RPS6KA3: variants seen among roughly 807,000 people sequenced by gnomAD.
RPS6KA3 encodes ribosomal protein S6 kinase A3.
Under a neutral mutation model 67.2 loss-of-function variants are expected in RPS6KA3, and 4 were observed. That is an observed-to-expected ratio of 0.06 (90% CI 0.03 to 0.14). The LOEUF (loss-of-function observed/expected upper bound fraction) is 0.14, where lower values mean the gene tolerates loss of function less well. RPS6KA3 is among the 10% of genes least tolerant of loss of function. The pLI, the probability that RPS6KA3 is intolerant of heterozygous loss-of-function variation, is 1.00. For synonymous variants in RPS6KA3, 182 were observed against 183.7 expected (o/e 0.99, Z 0.07); for missense variants, 204 against 559.0 (o/e 0.36, Z 6.40).
chrX:20,208,656 T>C (rs1474596568), intron 3 of RPS6KA3, among the ~76,000 whole-genome samples: 1 of 111,011 alleles, frequency 9.0e-6, no homozygotes, highest in Non-Finnish European at 1.9e-5. Flanking sequence ...AGGCAGAGGT[T>C]GTAGTGAGCC....
At chrX:20,194,325 T>A in intron 5 of RPS6KA3, 57 bp from the exon 6 acceptor site, 1 of 676,998 alleles carries the variant, frequency 1.5e-6, no homozygotes, top group East Asian at 3.3e-5. Flanking sequence ...TAGGTTTACA[T>A]TAGGTCATTC....
At chrX:20,167,159 A>G (rs2067462526) in intron 17 of RPS6KA3, among the ~76,000 whole-genome samples, 1 of 112,244 alleles carries the variant, frequency 8.9e-6, no homozygotes, top group African/African-American at 3.2e-5. Flanking sequence ...TTTACTAAAA[A>G]TCTGCATACA....
chrX:20,195,329 A>G (rs1315199216), intron 4 of RPS6KA3, among the ~76,000 whole-genome samples, 184 bp from the exon 5 acceptor site: 1 of 112,181 alleles, frequency 8.9e-6, no homozygotes, highest in African/African-American at 3.2e-5. Context: ...AACCAAAGGA[A>G]GTTGCATATA....
chrX:20,156,225 C>T lies in RPS6KA3; in HGVS notation c.1984G>A (p.Val662Ile). The T allele has an allele frequency of 8.3e-7, 1 of 1,210,397 alleles. No individual in the cohort carries two copies. Residue 662 changes from valine to isoleucine, a missense_variant, in exon 21 of 22, where the codon GTA (valine) becomes ATA (isoleucine). Transcript: ENST00000379565. ...GCAGTCAGTCTCTGATGAGGGTCTA[C>T]ATGAAGCATCTTTGACACCAGGTCC... is the stretch of plus-strand genomic sequence containing the variant. ...AKDLVSKMLH[V>I]DPHQRLTAAL...
At chrX:20,207,036 C>T (rs1466215073) in intron 3 of RPS6KA3, among the ~76,000 whole-genome samples, 3 of 111,629 alleles carry the variant, frequency 2.7e-5, no homozygotes, top group East Asian at 2.8e-4. Context: ...AAAGAGAGGA[C>T]GCTGAAAGGT....
At chrX:20,212,078 T>G (rs893752270) in intron 2 of RPS6KA3, among the ~76,000 whole-genome samples, 8 of 111,821 alleles carry the variant, frequency 7.2e-5, no homozygotes, top group African/African-American at 2.6e-4. Context: ...GCATACAGGA[T>G]CAACCCTTAC....
intron 20 of RPS6KA3, among the ~76,000 whole-genome samples, chrX:20,157,822 G>A (rs966272102): frequency 1.8e-5 from 2 of 111,190 alleles, no homozygotes; most frequent in East Asian, 2.8e-4. Context: ...GAGAGAAGAC[G>A]ACACAGTTAA....
chrX:20,184,948 T>C (rs2067941272), intron 10 of RPS6KA3, among the ~76,000 whole-genome samples: 1 of 111,011 alleles, frequency 9.0e-6, no homozygotes, highest in Admixed American at 9.6e-5. Flanking sequence ...TCTTTGAAAA[T>C]TCCATTTTTT....
Position 20,266,646 on chromosome X carries a change from C to G in RPS6KA3, c.-14G>C, listed in dbSNP as rs1338771641. 10 of 1,126,862 alleles carry G rather than the reference C, an allele frequency of 8.9e-6. No individual in the cohort carries two copies. The highest frequency in any genetic ancestry group is 1.2e-5 in the Non-Finnish European group (10 of 855,653). 92.9% of individuals were successfully genotyped at this position (1,126,862 alleles called of 1,213,427 possible). On this transcript the variant is annotated 5_prime_UTR_variant, in exon 1 of 22. Coordinates refer to ENST00000379565, the MANE Select transcript of RPS6KA3 (RefSeq NM_004586.3). ...CGCCAGCGGCATCTTCCCCCCCGGCCCGCCGCCTTCACCGCCTCCTCCCTC... is the reference window on the plus strand; with the variant it reads ...CGCCAGCGGCATCTTCCCCCCCGGCGCGCCGCCTTCACCGCCTCCTCCCTC...
intron 9 of RPS6KA3, among the ~76,000 whole-genome samples, chrX:20,186,567 T>A (rs2148683296): frequency 1.8e-5 from 2 of 111,593 alleles, no homozygotes; most frequent in Admixed American, 9.5e-5. Context: ...ACAGTTTTTT[T>A]TTTTTTGTAG....
intron 3 of RPS6KA3, 55 bp from the exon 4 acceptor site, chrX:20,204,158 G>A: frequency 1.3e-6 from 1 of 741,847 alleles, no homozygotes. Flanking sequence ...CTATATCCTT[G>A]TTAAAATAAG....
intron 4 of RPS6KA3, among the ~76,000 whole-genome samples, chrX:20,196,071 T>C: frequency 8.9e-6 from 1 of 112,332 alleles, no homozygotes; most frequent in Middle Eastern, 4.6e-3. Context: ...AGAAGAAAGA[T>C]GTAGGGTCAG....
intron 4 of RPS6KA3, among the ~76,000 whole-genome samples, chrX:20,202,837 A>G (rs963588818): frequency 8.9e-6 from 1 of 112,380 alleles, no homozygotes; most frequent in Non-Finnish European, 1.9e-5. Flanking sequence ...CATGGGATTC[A>G]TGAGTATAAA....
Position 20,194,940 on chromosome X carries a change from T to A in RPS6KA3, c.406+125A>T, listed in dbSNP as rs2068233761. On this transcript the variant is annotated intron_variant, in intron 5 of 21. Transcript: ENST00000379565. ...GAAATAATGGCTTAATTTTCATGAC[T>A]TATTACTATATAGATCTGCTAACCA... is the stretch of plus-strand genomic sequence containing the variant. 15 of 396,095 alleles carry A rather than the reference T, an allele frequency of 3.8e-5. No homozygotes were observed. The East Asian group carries it at 5.8e-4, about 15-fold the overall frequency. 32.6% of individuals were successfully genotyped at this position (396,095 alleles called of 1,213,427 possible).
At chrX:20,157,492 AC>A in intron 20 of RPS6KA3, among the ~76,000 whole-genome samples, 1 of 90,744 alleles carries the variant, frequency 1.1e-5, no homozygotes, top group Non-Finnish European at 2.2e-5. Flanking sequence ...ACAGAGCGAG[AC>A]CCTGTCTCAA....
chrX:20,247,722 G>A lies in RPS6KA3; in HGVS notation c.70-12908C>T, dbSNP rs537385843. ...GAATGGCATGAACCCGGGAGGTGGA[G>A]CTTGCAGTGAGCCGAGATTGCGCCA... On this transcript the variant is annotated intron_variant, in intron 1 of 21. Transcript: ENST00000379565. Among the ~76,000 whole-genome samples, 25 of 108,052 alleles carry A rather than the reference G, an allele frequency of 2.3e-4. No individual in the cohort carries two copies. The South Asian group carries it at 9.8e-3, about 42-fold the overall frequency. 93.8% of individuals were successfully genotyped at this position (108,052 alleles called of 115,157 possible). A position where few individuals can be genotyped will look rare whatever the true frequency, so the allele number is the denominator to read the frequency against.
intron 10 of RPS6KA3, among the ~76,000 whole-genome samples, chrX:20,180,089 CA>C (rs1057448819): frequency 9.3e-6 from 1 of 107,965 alleles, no homozygotes; most frequent in Non-Finnish European, 1.9e-5. Context: ...ACCTCATCTC[CA>C]AAATTTAAAC....
At chrX:20,159,326 A>C (rs2067255939) in intron 20 of RPS6KA3, among the ~76,000 whole-genome samples, 1 of 112,178 alleles carries the variant, frequency 8.9e-6, no homozygotes, top group Non-Finnish European at 1.9e-5. Flanking sequence ...TTGGTACATA[A>C]ATGCTCAGTA....
At chrX:20,249,525 C>T (rs963217348) in intron 1 of RPS6KA3, among the ~76,000 whole-genome samples, 2 of 111,772 alleles carry the variant, frequency 1.8e-5, no homozygotes, top group African/African-American at 6.5e-5. Context: ...GATACCTCAT[C>T]ATGTTTTTTC....
Sources: allele counts gnomAD v4.1 joint callset (sites outside exome capture counted in the v4.1 genomes callset), GRCh38; gene constraint gnomAD v4.1.1; transcripts MANE v1.5; gene names NCBI Gene and HGNC (gene_info 2026-07-23, HGNC 2026-07-21).